The following GPHN variants were observed in gnomAD, a reference collection of about 807,000 sequenced individuals.
The protein encoded by GPHN is gephyrin.
In GPHN, 17 loss-of-function variants were observed where a neutral mutation model predicts 95.5. The ratio of observed to expected loss-of-function variants is 0.18; its 90% CI spans 0.12 to 0.27. GPHN has a LOEUF of 0.27. GPHN is among the 10% of genes least tolerant of loss of function. GPHN has a pLI of 1.00. For synonymous variants in GPHN, 320 were observed against 322.5 expected, an observed-to-expected ratio of 0.99 and a Z score of 0.08; for missense variants, 660 against 978.1, an observed-to-expected ratio of 0.67 and a Z score of 4.34.
At chr14:66,628,008 T>G (rs1397446973) in intron 1 of GPHN, among the ~76,000 whole-genome samples, 1 of 152,122 alleles carries the variant, frequency 6.6e-6, no homozygotes, top group Non-Finnish European at 1.5e-5. Flanking sequence ...TATTGTCTTT[T>G]TGTGCCCTAA....
intron 11 of GPHN, among the ~76,000 whole-genome samples, chr14:67,080,850 C>T (rs143574796): frequency 5.6e-4 from 85 of 152,290 alleles, no homozygotes; most frequent in African/African-American, 1.8e-3. Flanking sequence ...TAAGTGAGAA[C>T]ATACAATGTT....
chr14:67,588,012 G>T, the GPHN span: 1 of 152,586 alleles, frequency 6.6e-6, no homozygotes, highest in Non-Finnish European at 1.5e-5. Flanking sequence ...TGCTGACAGA[G>T]TTGGAGAAAA....
At chr14:66,653,082 A>G (rs2065125184) in intron 1 of GPHN, among the ~76,000 whole-genome samples, 1 of 152,068 alleles carries the variant, frequency 6.6e-6, no homozygotes, top group Non-Finnish European at 1.5e-5. Flanking sequence ...TTTCTTAGGA[A>G]CTGTTGAGGG....
the GPHN span, among the ~76,000 whole-genome samples, chr14:67,704,547 T>C: frequency 1.3e-5 from 2 of 152,162 alleles, no homozygotes; most frequent in African/African-American, 4.8e-5. Context: ...TCTAGGCACT[T>C]GCAAGTGGAA....
intron 1 of GPHN, among the ~76,000 whole-genome samples, chr14:66,558,914 A>AGT (rs2060117346): frequency 7.7e-6 from 1 of 129,190 alleles, no homozygotes; most frequent in African/African-American, 2.9e-5. Context: ...CAGTCCCCAG[A>AGT]GTGTGTTGTT....
chr14:66,650,647 G>A (rs2064998467), intron 1 of GPHN, among the ~76,000 whole-genome samples: 1 of 152,154 alleles, frequency 6.6e-6, no homozygotes, highest in South Asian at 2.1e-4. Flanking sequence ...GACAACAAGG[G>A]AACAATGCTT....
the GPHN span, chr14:67,271,493 T>G: frequency 6.6e-6 from 1 of 152,228 alleles, no homozygotes. Context: ...GGCAGAGATA[T>G]AAATAGCAGT....
intron 4 of GPHN, among the ~76,000 whole-genome samples, chr14:66,869,962 T>A (rs2063368709): frequency 6.6e-6 from 1 of 152,204 alleles, no homozygotes; most frequent in Admixed American, 6.5e-5. Context: ...TCAACAAATA[T>A]TTGTTGAGCA....
intron 1 of GPHN, among the ~76,000 whole-genome samples, chr14:66,553,494 TTTGA>T (rs765047931): frequency 2.0e-5 from 3 of 152,216 alleles, no homozygotes; most frequent in Non-Finnish European, 4.4e-5. Flanking sequence ...GTTAGAGAAT[TTTGA>T]TTGATTGGTC....
chr14:67,412,156 C>G, the GPHN span: 2 of 1,105,082 alleles, frequency 1.8e-6, no homozygotes, highest in South Asian at 4.1e-5. Context: ...GCCCACGGCG[C>G]CCAGGAAGCA....
rs144224625 is a variant in GPHN, at chr14:66,829,811, G to A, written c.294+5245G>A. ...CAATATGTGTTCAGTGCCATGCTTG[G>A]TACTGAAGTTAAAAAATGAGTGAGA... On this transcript the variant is annotated intron_variant, in intron 4 of 22. Transcript: ENST00000478722. Among the ~76,000 whole-genome samples, 452 of 152,132 alleles carry A rather than the reference G, an allele frequency of 3.0e-3. 3 individuals carry two copies. Among genetic ancestry groups the A allele is most frequent in the African/African-American group, 0.01 (433 of 41,504 alleles).
At chr14:67,721,317 C>G in the GPHN span, among the ~76,000 whole-genome samples, 1 of 152,124 alleles carries the variant, frequency 6.6e-6, no homozygotes, top group Admixed American at 6.6e-5. Flanking sequence ...TCCAGAGGCA[C>G]GATCCTAGCT....
intron 4 of GPHN, among the ~76,000 whole-genome samples, chr14:66,853,656 T>A (rs2062686945): frequency 6.6e-6 from 1 of 152,152 alleles, no homozygotes; most frequent in African/African-American, 2.4e-5. Flanking sequence ...TTCAATTATC[T>A]CCACCTGGCC....
At chr14:66,968,085 CAA>C (rs1373264329) in intron 9 of GPHN, among the ~76,000 whole-genome samples, 2 of 151,934 alleles carry the variant, frequency 1.3e-5, no homozygotes, top group East Asian at 3.9e-4. Flanking sequence ...CCCACTGAGT[CAA>C]ATATCAAGAC....
chr14:66,984,280 A>T (rs1224030433), intron 9 of GPHN, among the ~76,000 whole-genome samples: 1 of 152,208 alleles, frequency 6.6e-6, no homozygotes, highest in Admixed American at 6.5e-5. Context: ...GCACAAGAGG[A>T]TGAGCAGATA....
At chr14:66,886,906 C>G (rs1291834817) in intron 5 of GPHN, among the ~76,000 whole-genome samples, 1 of 152,152 alleles carries the variant, frequency 6.6e-6, no homozygotes, top group African/African-American at 2.4e-5. Flanking sequence ...AGGTTCAGTG[C>G]AGACAACTAT....
At chr14:67,581,822 A>G in the GPHN span, 3 of 447,626 alleles carry the variant, frequency 6.7e-6, no homozygotes, top group East Asian at 1.3e-4. Flanking sequence ...CCCTTACTAA[A>G]TCCAGTAAGC....
chr14:67,577,063 C>CA, the GPHN span, among the ~76,000 whole-genome samples: 3 of 152,210 alleles, frequency 2.0e-5, no homozygotes, highest in African/African-American at 7.2e-5. Context: ...CAGACACCCA[C>CA]AACCTTGCAC....
the GPHN span, chr14:67,364,673 C>A: frequency 7.8e-7 from 1 of 1,276,682 alleles, no homozygotes; most frequent in Non-Finnish European, 1.1e-6. Context: ...TTTTTTTCTT[C>A]ATCTTTTCTT....
Sources: gnomAD v4.1 joint callset for allele counts (sites outside exome capture counted in the v4.1 genomes callset) on GRCh38, gnomAD v4.1.1 for gene constraint, MANE v1.5 for transcripts, NCBI Gene and HGNC (gene_info 2026-07-23, HGNC 2026-07-21) for gene names.